The following AGL variants were observed in gnomAD, a reference collection of about 807,000 sequenced individuals.
AGL encodes glycogen debranching enzyme.
In AGL, 128 loss-of-function variants were observed where a neutral mutation model predicts 199.3. That is an observed-to-expected ratio of 0.64 (90% CI 0.56 to 0.74). The LOEUF is 0.74. AGL is among the 30% of genes least tolerant of loss of function. The pLI is 0.00. For synonymous variants in AGL, 584 were observed against 594.7 expected (o/e 0.98, Z 0.26); for missense variants, 1,809 against 1,820.8 (o/e 0.99, Z 0.12).
chr1:99,892,712 A>G (rs1653003459), intron 24 of AGL, 105 bp downstream of exon 24: 1 of 1,122,888 alleles, frequency 8.9e-7, no homozygotes, highest in Non-Finnish European at 1.3e-6. Flanking sequence ...GCTACTCAAG[A>G]TTTTATTTTA....
Position 99,877,824 on chromosome 1 carries a change from C to G in AGL, c.1607C>G (p.Ala536Gly). The G allele has an allele frequency of 6.2e-7, 1 of 1,613,818 alleles. No individual in the cohort carries two copies. The highest frequency in any genetic ancestry group is 8.5e-7 in the Non-Finnish European group (1 of 1,179,812). Residue 536 changes from alanine to glycine, a missense_variant, in exon 12 of 34, where the codon GCT becomes GGT. By Grantham distance (60) the Ala-to-Gly change is moderately conservative. Transcript: ENST00000361915. Reference sequence around the variant, plus strand: ...TGCCACTCAACACCTCTTCACGTAGCTGAGGTACAGAAAAACAATTTATCT... The same window carrying G: ...TGCCACTCAACACCTCTTCACGTAGGTGAGGTACAGAAAAACAATTTATCT... ...DNCHSTPLHV[A>G]EYMLDAARNL... is the part of the protein sequence containing the mutation.
chr1:99,860,465 T>C (rs492032), intron 2 of AGL, among the ~76,000 whole-genome samples: 113,184 of 151,968 alleles, frequency 0.74, 42,581 homozygotes, highest in African/African-American at 0.87. Context: ...TCAGTATTTT[T>C]GTATTCTAAT....
intron 17 of AGL, among the ~76,000 whole-genome samples, chr1:99,881,946 AT>A (rs1557765001): frequency 1.3e-5 from 2 of 151,944 alleles, no homozygotes; most frequent in Admixed American, 6.6e-5. Flanking sequence ...CAGTCTCAGC[AT>A]TATGGTAACA....
intron 26 of AGL, among the ~76,000 whole-genome samples, chr1:99,901,697 A>G (rs1403284268): frequency 6.6e-6 from 1 of 151,646 alleles, no homozygotes; most frequent in Non-Finnish European, 1.5e-5. Context: ...TCAAGAATGG[A>G]CAATAATACT....
intron 2 of AGL, among the ~76,000 whole-genome samples, chr1:99,855,155 C>G (rs1314861789): frequency 6.6e-6 from 1 of 151,574 alleles, no homozygotes; most frequent in South Asian, 2.1e-4. Context: ...AAGCCAAGAT[C>G]GTGCCAATGC....
chr1:99,909,414 G>A (rs1221241816), intron 27 of AGL, among the ~76,000 whole-genome samples: 1 of 152,124 alleles, frequency 6.6e-6, no homozygotes, highest in Non-Finnish European at 1.5e-5. Context: ...GTAGGGGATA[G>A]GAGTCCAGGC....
At chr1:99,891,794 G>C in intron 23 of AGL, 55 bp downstream of exon 23, 1 of 1,601,104 alleles carries the variant, frequency 6.2e-7, no homozygotes, top group Non-Finnish European at 8.6e-7. Flanking sequence ...ACTATATACA[G>C]AGTCACTTCA....
At chr1:99,875,605 T>C in intron 10 of AGL, 150 bp downstream of exon 10, 1 of 729,554 alleles carries the variant, frequency 1.4e-6, no homozygotes, top group Non-Finnish European at 2.3e-6. Context: ...ATAGGCTTAA[T>C]ATTAACTAAT....
rs749989508 is a variant in AGL at position 99,916,618 on chromosome 1, G to A, written c.4368G>A (p.Gly1456=). The A allele has an allele frequency of 2.9e-5, 46 of 1,613,170 alleles. No individual in the cohort carries two copies. Among genetic ancestry groups the A allele is most frequent in the Non-Finnish European group, 3.6e-5 (42 of 1,179,614 alleles). The change falls in exon 33 of 34, where the codon GGG becomes GGA. Residue 1456 remains glycine (G), a synonymous_variant. Transcript: ENST00000361915. The stretch of plus-strand genomic sequence containing the variant: ...TTTAGGAGTGGCTGTGGCCTATTGG[G>A]TATTTTCTTCGTGCAAAATTATATT... ...HQGPEWLWPI[G]YFLRAKLYFS...
Position 99,912,475 on chromosome 1 carries a change from A to G in AGL, c.3907A>G (p.Lys1303Glu). Residue 1303 changes from lysine (K) to glutamate (E), a missense_variant, in exon 29 of 34, where the codon AAA becomes GAA. Lys to Glu is a moderately conservative substitution (Grantham distance 56). Coordinates refer to ENST00000361915, the MANE Select transcript of AGL (RefSeq NM_000642.3). ...AVRWLLELSK[K>E]NIFPYHEVTV... ...TCGCTGGTTGCTGGAATTATCCAAA[A>G]AAAATATTTTCCCTTATCATGAAGT... The G allele has an allele frequency of 6.2e-7, 1 of 1,614,014 alleles. No homozygotes were observed. The highest frequency in any genetic ancestry group is 1.1e-5 in the South Asian group (1 of 91,078).
chr1:99,871,743 C>T (rs904785847), intron 7 of AGL, among the ~76,000 whole-genome samples: 1 of 152,038 alleles, frequency 6.6e-6, no homozygotes, highest in African/African-American at 2.4e-5. Context: ...TTTCATTTTA[C>T]TAAAGGGCCT....
At chr1:99,852,085 GC>G (rs1648998721) in intron 2 of AGL, among the ~76,000 whole-genome samples, 1 of 151,736 alleles carries the variant, frequency 6.6e-6, no homozygotes, top group South Asian at 2.1e-4. Context: ...CTCTTACTAG[GC>G]TCTCTTCCTT....
chr1:99,881,773 T>G (rs1652053122), intron 17 of AGL, 82 bp downstream of exon 17: 2 of 1,183,614 alleles, frequency 1.7e-6, no homozygotes, highest in Admixed American at 4.4e-5. Context: ...TTATATATCA[T>G]GTATATATCA....
chr1:99,869,037 G>T (rs1235628068), intron 5 of AGL, among the ~76,000 whole-genome samples: 1 of 151,982 alleles, frequency 6.6e-6, no homozygotes, highest in Non-Finnish European at 1.5e-5. Flanking sequence ...TGTTGCCCAG[G>T]CTGTCTCCAG....
At chr1:99,921,471 C>A in intron 33 of AGL, 63 bp from the exon 34 acceptor site, 1 of 1,180,478 alleles carries the variant, frequency 8.5e-7, no homozygotes, top group Non-Finnish European at 1.3e-6. Flanking sequence ...ATCACCAGGT[C>A]TTGCCTATTT....
At chr1:99,888,725 A>G (rs989995998) in intron 21 of AGL, among the ~76,000 whole-genome samples, 11 of 152,190 alleles carry the variant, frequency 7.2e-5, no homozygotes, top group Non-Finnish European at 8.8e-5. Flanking sequence ...TTAGATGTTT[A>G]AGAAATTTGC....
chr1:99,852,771 A>G (rs891014160), intron 2 of AGL: 1 of 777,260 alleles, frequency 1.3e-6, no homozygotes. Context: ...TTAATAATAC[A>G]TGAATTTTTT....
chr1:99,890,822 C>T (rs1276056097), intron 21 of AGL, among the ~76,000 whole-genome samples: 1 of 152,058 alleles, frequency 6.6e-6, no homozygotes, highest in Non-Finnish European at 1.5e-5. Flanking sequence ...TACTGATGAA[C>T]CCACTACTTT....
chr1:99,849,915 T>C (rs1648793739), upstream of AGL, among the ~76,000 whole-genome samples: 1 of 152,162 alleles, frequency 6.6e-6, no homozygotes, highest in Non-Finnish European at 1.5e-5. Flanking sequence ...TCGCAGGCTG[T>C]TAAAGGAAGG....
Sources: allele counts gnomAD v4.1 joint callset (sites outside exome capture counted in the v4.1 genomes callset), GRCh38; gene constraint gnomAD v4.1.1; transcripts MANE v1.5; gene names NCBI Gene and HGNC (gene_info 2026-07-23, HGNC 2026-07-21).